The following RPL28 variants were observed in gnomAD, a reference collection of about 807,000 sequenced individuals.
RPL28 encodes large ribosomal subunit protein eL28.
In RPL28, 4 loss-of-function variants were observed where a neutral mutation model predicts 12.5. The observed-to-expected ratio is 0.32, with a 90% confidence interval of 0.16 to 0.73. RPL28 has a LOEUF of 0.73. Ranked by LOEUF, RPL28 falls within the 30% of genes least tolerant of loss-of-function variation. The pLI, the probability that RPL28 is intolerant of heterozygous loss-of-function variation, is 0.66. For synonymous variants in RPL28, 91 were observed against 72.5 expected (o/e 1.26, Z -1.30); for missense variants, 214 against 197.7 (o/e 1.08, Z -0.49).
rs2089928463 is a variant in RPL28 at position 55,386,556 on chromosome 19, C to T, written c.82-14C>T. 1.9e-6 allele frequency: 3 copies of T among 1,601,476 alleles called. No homozygotes were observed. Among genetic ancestry groups the T allele is most frequent in the Non-Finnish European group, 2.6e-6 (3 of 1,169,572 alleles). ...GTCCCTTATTCACGATGCCTTGTGC[C>T]GCCTCCTTCCCAGGAGCCCAATAAC... On this transcript the variant is annotated splice_polypyrimidine_tract_variant and intron_variant, in intron 2 of 4. Coordinates refer to ENST00000344063, the MANE Select transcript of RPL28 (RefSeq NM_000991.5).
At position 55,386,808 on chromosome 19, in the gene RPL28, C is replaced by T. The variant is rs754983762; in HGVS notation, c.205+115C>T. The T allele has an allele frequency of 1.2e-5, 20 of 1,602,274 alleles. No homozygotes were observed. In the African/African-American group the frequency reaches 2.7e-4, roughly 21 times the overall value. On this transcript the variant is annotated intron_variant, in intron 3 of 4. Transcript: ENST00000344063. ...CTGCCATCGCGGCGGGCATCCCTGGCGCCAGGGTGTTGGTCTGGGTACCGG... is the reference window on the plus strand; with the variant it reads ...CTGCCATCGCGGCGGGCATCCCTGGTGCCAGGGTGTTGGTCTGGGTACCGG...
chr19:55,388,044 G>T lies in RPL28; in HGVS notation c.320G>T (p.Arg107Leu), dbSNP rs748955099. 3 of 1,613,806 alleles carry T rather than the reference G, an allele frequency of 1.9e-6. No homozygotes were observed. The highest frequency in any genetic ancestry group is 1.1e-5 in the South Asian group (1 of 91,060). Residue 107 changes from arginine (R) to leucine (L), a missense_variant, in exon 4 of 5, where the codon CGC becomes CTC. Coordinates refer to ENST00000344063, the MANE Select transcript of RPL28 (RefSeq NM_000991.5). Reference protein sequence around the residue: ...IRKNKYRPDLRMAAIRRASAI... With the variant: ...IRKNKYRPDLLMAAIRRASAI... ...AAGAACAAGTACCGCCCCGACCTGCGCATGGTGAGCTGGGGTTTGGGGATC... is the reference window on the plus strand; with the variant it reads ...AAGAACAAGTACCGCCCCGACCTGCTCATGGTGAGCTGGGGTTTGGGGATC...
In RPL28 at chr19:55,391,665, G is replaced by A. The variant is rs1029256197; in HGVS notation, c.*3333G>A. ...TACCCTCATCTGTAACATGCGTGTC[G>A]ATAGACCCTACTACTCAGGGTTGAT... On this transcript the variant is annotated 3_prime_UTR_variant, in exon 5 of 5. Transcript: ENST00000344063. 12 of 1,544,114 alleles carry A rather than the reference G, an allele frequency of 7.8e-6. No homozygotes were observed. In the Admixed American group the frequency reaches 1.8e-4, roughly 23 times the overall value.
intron 4 of RPL28, among the ~76,000 whole-genome samples, chr19:55,399,207 C>T (rs2090040749): frequency 6.6e-6 from 1 of 152,136 alleles, no homozygotes. Context: ...CGCTCTGTCA[C>T]CCAGGCTGGA....
chr19:55,388,679 GA>G lies in RPL28; in HGVS notation c.*349del. On this transcript the variant is annotated 3_prime_UTR_variant, in exon 5 of 5. Transcript: ENST00000344063. ...AAGAAGAAAGGCCTTTTCTAGCCCA[GA>G]AGGGTGCAGGCTGAGGGCTGGGCCC... 9.2e-7 allele frequency: 1 copy of G among 1,086,420 alleles called. No homozygotes were observed. Among genetic ancestry groups the G allele is most frequent in the South Asian group, 4.4e-5 (1 of 22,884 alleles). 67.3% of individuals were successfully genotyped at this position (1,086,420 alleles called of 1,614,324 possible).
At chr19:55,392,781 G>T (rs2089999779), downstream of RPL28, among the ~76,000 whole-genome samples, 1 of 151,374 alleles carries the variant, frequency 6.6e-6, no homozygotes, top group South Asian at 2.1e-4. Flanking sequence ...CGTCCGCCTC[G>T]GTCCCCCAAA....
chr19:55,401,143 GCAAGGCTGGTGAGCTAGATGGAC>G (rs2090054478), intron 4 of RPL28: 1 of 480,172 alleles, frequency 2.1e-6, no homozygotes, highest in Admixed American at 4.0e-5. Context: ...ACCTCAAACA[GCAAGGCTGGTGAGCTAGATGGAC>G]CCACTGCTGC....
chr19:55,390,805 T>C lies in RPL28; in HGVS notation c.*2473T>C. 1.0e-6 allele frequency: 1 copy of C among 985,454 alleles called. No individual in the cohort carries two copies. The allele number at this position is 985,454 out of a possible 1,614,324, so 61.0% of individuals were successfully genotyped here. On this transcript the variant is annotated 3_prime_UTR_variant, in exon 5 of 5. Coordinates refer to ENST00000344063, the MANE Select transcript of RPL28 (RefSeq NM_000991.5). ...GAGGGCTGGAGGGAGGGAGATGGTC[T>C]CAGCCCCACAGAGTTTGGAGTCCTC...
chr19:55,402,869 C>G, intron 4 of RPL28: 3 of 1,301,026 alleles, frequency 2.3e-6, no homozygotes, highest in Non-Finnish European at 3.1e-6. Context: ...TGGCAGGAAA[C>G]CCCAATTCCC....
At chr19:55,386,771 G>A (rs1251704851) in intron 3 of RPL28, 78 bp downstream of exon 3, 1 of 1,612,204 alleles carries the variant, frequency 6.2e-7, no homozygotes, top group Non-Finnish European at 8.5e-7. Context: ...TGTCAGGCAG[G>A]AAGAGCGGTA....
Position 55,391,028 on chromosome 19 carries a change from C to A in RPL28, c.*2696C>A. 5.5e-6 allele frequency: 5 copies of A among 913,180 alleles called. No homozygotes were observed. The highest frequency in any genetic ancestry group is 6.5e-6 in the Non-Finnish European group (5 of 764,100). The allele number at this position is 913,180 out of a possible 1,614,324, so 56.6% of individuals were successfully genotyped here. A position where few individuals can be genotyped will look rare whatever the true frequency, so the allele number is the denominator to read the frequency against. ...CTCACCATAGTAAAAATGCTGAAAG[C>A]CAAAGACAAAATTGGGAGAACAAAA... On this transcript the variant is annotated 3_prime_UTR_variant, in exon 5 of 5. Transcript: ENST00000344063.
chr19:55,401,717 TGAGTGCAGACTCGGGGTTA>T (rs2090060456), intron 4 of RPL28: 1 of 1,613,356 alleles, frequency 6.2e-7, no homozygotes, highest in African/African-American at 1.3e-5. Context: ...GCCTCCTCGT[TGAGTGCAGACTCGGGGTTA>T]GGGTGGATCA....
intron 4 of RPL28, among the ~76,000 whole-genome samples, chr19:55,397,349 G>A (rs1431023216): frequency 1.3e-5 from 2 of 152,200 alleles, no homozygotes; most frequent in Non-Finnish European, 2.9e-5. Context: ...AAATATACAA[G>A]CATGTTTCTG....
In RPL28 at chr19:55,389,201, T is replaced by G. The variant is rs776524119; in HGVS notation, c.*869T>G. On this transcript the variant is annotated 3_prime_UTR_variant, in exon 5 of 5. Coordinates refer to ENST00000344063, the MANE Select transcript of RPL28 (RefSeq NM_000991.5). ...TGAGACACCGTCTCTAAAATAAAAT[T>G]AGCTGGGTGTGGTGGTGCACCGCCT... is the stretch of plus-strand genomic sequence containing the variant. 76 of 957,374 alleles carry G rather than the reference T, an allele frequency of 7.9e-5. No homozygotes were observed. The highest frequency in any genetic ancestry group is 2.3e-4 in the East Asian group (2 of 8,666). The allele number at this position is 957,374 out of a possible 1,614,324, so 59.3% of individuals were successfully genotyped here.
At position 55,388,520 on chromosome 19, in the gene RPL28, G is replaced by A; in HGVS notation, c.*188G>A. Reference sequence around the variant, plus strand: ...TGGCTGGCCATGCAGGAGGGGTGGGGTAGCTGCCTTGTCCCTGGTGAGGGC... The same window carrying A: ...TGGCTGGCCATGCAGGAGGGGTGGGATAGCTGCCTTGTCCCTGGTGAGGGC... On this transcript the variant is annotated 3_prime_UTR_variant, in exon 5 of 5. Coordinates refer to ENST00000344063, the MANE Select transcript of RPL28 (RefSeq NM_000991.5). 1 of 1,296,250 alleles carries A rather than the reference G, an allele frequency of 7.7e-7. No individual in the cohort carries two copies. The highest frequency in any genetic ancestry group is 9.8e-7 in the Non-Finnish European group (1 of 1,019,498). 80.3% of individuals were successfully genotyped at this position (1,296,250 alleles called of 1,614,324 possible).
rs1309853041 is a variant in RPL28 at position 55,402,991 on chromosome 19, C to T, written c.373C>T (p.Gln125Ter). The T allele has an allele frequency of 3.9e-6, 6 of 1,534,652 alleles. No individual in the cohort carries two copies. The Admixed American group carries it at 7.9e-5, about 20-fold the overall frequency. The change falls in exon 5 of 5, where the codon CAG (glutamine) becomes TAG (stop). Residue 125 changes from glutamine (Q) to a stop codon, truncating the protein, a stop_gained. Coordinates refer to the RPL28 transcript ENST00000560055. LOFTEE classifies it low-confidence loss of function (END_TRUNC). ...GCAGGCTGTAAGCAGCCTGGAGCAC[C>T]AGCCTAGACCAGGACGCCTCCACCT...
downstream of RPL28, chr19:55,392,231 C>T: frequency 4.1e-6 from 2 of 488,304 alleles, no homozygotes; most frequent in Non-Finnish European, 5.3e-6. Flanking sequence ...GCATGCAGAT[C>T]TCCTCTTTTT....
intron 2 of RPL28, 40 bp downstream of exon 2, chr19:55,386,478 G>A (rs1600300035): frequency 6.2e-7 from 1 of 1,608,820 alleles, no homozygotes; most frequent in Admixed American, 1.7e-5. Context: ...CGGGAGGAGG[G>A]TCCTGAGTCT....
downstream of RPL28, among the ~76,000 whole-genome samples, chr19:55,393,291 TC>T (rs2090003449): frequency 1.8e-5 from 2 of 113,066 alleles, no homozygotes; most frequent in Admixed American, 1.3e-4. Flanking sequence ...CCCAAACCTT[TC>T]TCTAGGGCCA....
Sources: allele counts gnomAD v4.1 joint callset (sites outside exome capture counted in the v4.1 genomes callset), GRCh38; gene constraint gnomAD v4.1.1; transcripts MANE v1.5; gene names NCBI Gene and HGNC (gene_info 2026-07-23, HGNC 2026-07-21).